The following STXBP5L variants were observed in gnomAD, a reference collection of about 807,000 sequenced individuals.
STXBP5L encodes syntaxin binding protein 5L.
Under a neutral mutation model 144.5 loss-of-function variants are expected in STXBP5L, and 65 were observed. That is an observed-to-expected ratio of 0.45 (90% CI 0.37 to 0.55). The LOEUF is 0.55. STXBP5L is among the 20% of genes least tolerant of loss of function. STXBP5L has a pLI of 0.00. For missense variants in STXBP5L, 1,298 were observed against 1,405.5 expected (o/e 0.92, Z 1.22); for synonymous variants, 505 against 469.6 (o/e 1.08, Z -0.97).
chr3:121,276,957 T>C (rs778477794), intron 18 of STXBP5L, among the ~76,000 whole-genome samples: 4 of 152,046 alleles, frequency 2.6e-5, no homozygotes, highest in Non-Finnish European at 5.9e-5. Context: ...TCTTCCTTTA[T>C]GAAACTCCAA....
chr3:121,045,605 C>T, intron 5 of STXBP5L, 70 bp downstream of exon 5: 1 of 1,347,896 alleles, frequency 7.4e-7, no homozygotes. Context: ...TTTTTGTTAA[C>T]TTGACAGGCT....
chr3:121,364,807 C>A (rs1038415299), intron 20 of STXBP5L, among the ~76,000 whole-genome samples: 28 of 152,028 alleles, frequency 1.8e-4, no homozygotes, highest in African/African-American at 6.3e-4. Flanking sequence ...TACTGCTTTA[C>A]TAAATGTATT....
At chr3:120,951,890 G>A (rs1286123235) in intron 2 of STXBP5L, among the ~76,000 whole-genome samples, 3 of 151,852 alleles carry the variant, frequency 2.0e-5, no homozygotes, top group Admixed American at 1.3e-4. Flanking sequence ...CAATAGCAAA[G>A]ACTTGGAACC....
chr3:121,040,841 C>G (rs1027927291), intron 3 of STXBP5L, among the ~76,000 whole-genome samples: 1 of 152,066 alleles, frequency 6.6e-6, no homozygotes, highest in Non-Finnish European at 1.5e-5. Flanking sequence ...ACCTGATATG[C>G]AGTGTCTTAA....
intron 9 of STXBP5L, among the ~76,000 whole-genome samples, chr3:121,172,156 C>T (rs2046746913): frequency 6.6e-5 from 10 of 152,138 alleles, no homozygotes; most frequent in Admixed American, 6.6e-4. Flanking sequence ...AAACTGGACC[C>T]CTTCCTTAGA....
At chr3:121,314,842 C>T (rs1384346229) in intron 19 of STXBP5L, among the ~76,000 whole-genome samples, 1 of 152,188 alleles carries the variant, frequency 6.6e-6, no homozygotes, top group Non-Finnish European at 1.5e-5. Flanking sequence ...ACAGACACTT[C>T]TCAAAAGAAG....
rs1271762318 is a variant in STXBP5L at position 121,422,216 on chromosome 3, C to T, written c.*3119C>T. 1 of 152,120 alleles carries T rather than the reference C, an allele frequency of 6.6e-6. No individual in the cohort carries two copies. The highest frequency in any genetic ancestry group is 1.5e-5 in the Non-Finnish European group (1 of 68,008). 9.4% of individuals were successfully genotyped at this position (152,120 alleles called of 1,614,324 possible). On this transcript the variant is annotated 3_prime_UTR_variant, in exon 27 of 27. Coordinates refer to ENST00000471454, the MANE Select transcript of STXBP5L (RefSeq NM_001308330.2). ...GCATAGTCTCATCTTTACTATCTTT[C>T]TTCTATTTCGGAACATAAGAAAAAT...
intron 2 of STXBP5L, among the ~76,000 whole-genome samples, chr3:120,931,970 G>A (rs1333828621): frequency 6.6e-6 from 1 of 152,190 alleles, no homozygotes; most frequent in Non-Finnish European, 1.5e-5. Flanking sequence ...GTCACAGAGT[G>A]TACTTACACA....
intron 18 of STXBP5L, among the ~76,000 whole-genome samples, chr3:121,262,306 C>T (rs892637964): frequency 2.0e-5 from 3 of 152,210 alleles, no homozygotes; most frequent in African/African-American, 4.8e-5. Flanking sequence ...TTAGCATTAA[C>T]TCAAAAGTTT....
At chr3:121,001,797 G>A (rs1027321193) in intron 3 of STXBP5L, among the ~76,000 whole-genome samples, 3 of 152,188 alleles carry the variant, frequency 2.0e-5, no homozygotes, top group African/African-American at 7.2e-5. Context: ...CCTTCCTTCT[G>A]AAGATTTCAT....
chr3:121,282,787 C>A (rs1471773766), intron 19 of STXBP5L, among the ~76,000 whole-genome samples: 2 of 151,784 alleles, frequency 1.3e-5, no homozygotes, highest in African/African-American at 4.8e-5. Flanking sequence ...TAATTATATT[C>A]CTTGAAGATA....
At chr3:121,179,621 G>C (rs1186197692) in intron 9 of STXBP5L, among the ~76,000 whole-genome samples, 1 of 152,132 alleles carries the variant, frequency 6.6e-6, no homozygotes, top group Admixed American at 6.5e-5. Flanking sequence ...AATTCAGATT[G>C]ATTATTGAGC....
chr3:120,942,031 G>A (rs1178981102), intron 2 of STXBP5L, among the ~76,000 whole-genome samples: 2 of 151,640 alleles, frequency 1.3e-5, no homozygotes, highest in Non-Finnish European at 3.0e-5. Context: ...GTAGCAGTAA[G>A]GCTTTGACTT....
At chr3:121,073,403 A>G (rs2041889299) in intron 5 of STXBP5L, among the ~76,000 whole-genome samples, 1 of 152,132 alleles carries the variant, frequency 6.6e-6, no homozygotes, top group Non-Finnish European at 1.5e-5. Flanking sequence ...CCGAATTATT[A>G]ACCTTTGTCC....
chr3:121,380,219 G>A (rs1052731869), intron 21 of STXBP5L, among the ~76,000 whole-genome samples: 6 of 152,088 alleles, frequency 3.9e-5, no homozygotes, highest in Non-Finnish European at 8.8e-5. Flanking sequence ...CTCTAAGTTT[G>A]TCTCCAAATC....
At chr3:121,157,732 A>T in intron 9 of STXBP5L, 105 bp downstream of exon 9, 1 of 1,446,946 alleles carries the variant, frequency 6.9e-7, no homozygotes, top group Non-Finnish European at 9.2e-7. Context: ...GTAATAGGAC[A>T]TAGCTTCTGG....
intron 3 of STXBP5L, among the ~76,000 whole-genome samples, chr3:121,016,367 G>A (rs1056101752): frequency 2.0e-5 from 3 of 152,120 alleles, no homozygotes; most frequent in Non-Finnish European, 4.4e-5. Flanking sequence ...AATGTATACA[G>A]GTAAGCAACA....
rs2043576073 is a variant in STXBP5L at position 121,104,208 on chromosome 3, G to T, written c.471-10717G>T. On this transcript the variant is annotated intron_variant, in intron 5 of 26. Coordinates refer to ENST00000471454, the MANE Select transcript of STXBP5L (RefSeq NM_001308330.2). ...GTTATAATTTTAACTTATATGGTAG[G>T]TAACAAATAATATCCTGACAAAAGA... Among the ~76,000 whole-genome samples, 3 of 152,036 alleles carry T rather than the reference G, an allele frequency of 2.0e-5. No individual in the cohort carries two copies. In the South Asian group the frequency reaches 6.2e-4, roughly 32 times the overall value.
chr3:121,290,605 AAAG>A (rs2051401416), intron 19 of STXBP5L, among the ~76,000 whole-genome samples: 1 of 152,288 alleles, frequency 6.6e-6, no homozygotes, highest in Middle Eastern at 3.4e-3. Context: ...ACATAACAAA[AAAG>A]AAGACTACAG....
Sources: allele counts gnomAD v4.1 joint callset (sites outside exome capture counted in the v4.1 genomes callset), GRCh38; gene constraint gnomAD v4.1.1; transcripts MANE v1.5; gene names NCBI Gene and HGNC (gene_info 2026-07-23, HGNC 2026-07-21).